Variants in USP2 observed in about 807,000 individuals in gnomAD.
USP2 encodes the protein ubiquitin specific peptidase 2.
Under a neutral mutation model 72.0 loss-of-function variants are expected in USP2, and 33 were observed. The ratio of observed to expected loss-of-function variants is 0.46; its 90% confidence interval spans 0.35 to 0.61. The LOEUF (loss-of-function observed/expected upper bound fraction) is 0.61. Ranked by LOEUF, USP2 falls within the 20% of genes least tolerant of loss-of-function variation. USP2 has a pLI of 0.01. For missense variants in USP2, 691 were observed against 797.8 expected, an observed-to-expected ratio of 0.87 and a Z score of 1.61; for synonymous variants, 296 against 312.5, an observed-to-expected ratio of 0.95 and a Z score of 0.56.
At chr11:119,378,160 G>A (rs982023666) in intron 1 of USP2, among the ~76,000 whole-genome samples, 3 of 152,100 alleles carry the variant, frequency 2.0e-5, no homozygotes, top group African/African-American at 7.2e-5. Flanking sequence ...TGACCTTGAA[G>A]GACAAGGTGG....
In USP2 at chr11:119,373,521, G is replaced by T. The variant is rs766939625; in HGVS notation, c.-41C>A. The T allele has an allele frequency of 6.5e-7, 1 of 1,529,278 alleles. No homozygotes were observed. The highest frequency in any genetic ancestry group is 2.3e-5 in the East Asian group (1 of 44,188). The allele number at this position is 1,529,278 out of a possible 1,614,324, so 94.7% of individuals were successfully genotyped here. Reference sequence around the variant, plus strand: ...TCAGTGGGGACTGGGAGCCTCATGGGCTGAAAGACAAGGAGTGTAGTTGTC... The same window carrying T: ...TCAGTGGGGACTGGGAGCCTCATGGTCTGAAAGACAAGGAGTGTAGTTGTC... On this transcript the variant is annotated splice_region_variant and 5_prime_UTR_variant, in exon 2 of 13. Coordinates refer to ENST00000260187, the MANE Select transcript of USP2 (RefSeq NM_004205.5).
chr11:119,362,543 G>A (rs1214984486), intron 2 of USP2, among the ~76,000 whole-genome samples: 1 of 152,184 alleles, frequency 6.6e-6, no homozygotes, highest in Non-Finnish European at 1.5e-5. Context: ...AGGGGGAGCA[G>A]GGCTGCTCCA....
At chr11:119,358,998 T>C (rs200319788) in intron 6 of USP2, 26 bp downstream of exon 6, 1 of 1,611,942 alleles carries the variant, frequency 6.2e-7, no homozygotes, top group East Asian at 2.2e-5. Context: ...AGTTTTGCTT[T>C]CCCACAGCAT....
In USP2 at chr11:119,369,984, T is replaced by C. The variant is rs1384858460; in HGVS notation, c.774+2723A>G. On this transcript the variant is annotated intron_variant, in intron 2 of 12. Coordinates refer to ENST00000260187, the MANE Select transcript of USP2 (RefSeq NM_004205.5). The stretch of plus-strand genomic sequence containing the variant: ...ACCTGAGGTCAGTTCAAGACCAGCC[T>C]GGCCAACATGGTGAAACCCCGTCTC... Among the ~76,000 whole-genome samples, 5 of 152,180 alleles carry C rather than the reference T, an allele frequency of 3.3e-5. No homozygotes were observed. The South Asian group carries it at 8.3e-4, about 25-fold the overall frequency.
At position 119,369,288 on chromosome 11, in the gene USP2, A is replaced by C. The variant is rs909035778; in HGVS notation, c.774+3419T>G. On this transcript the variant is annotated intron_variant, in intron 2 of 12. Coordinates refer to ENST00000260187, the MANE Select transcript of USP2 (RefSeq NM_004205.5). ...CTGAATTTATGTGGCGCCCCCTGCC[A>C]CCCGCCCCTGCCCCCCGCCAGCTCT... Among the ~76,000 whole-genome samples the C allele has an allele frequency of 1.6e-4, 24 of 146,986 alleles. No homozygotes were observed. In the South Asian group the frequency reaches 3.6e-3, roughly 22 times the overall value.
At position 119,356,868 on chromosome 11, in the gene USP2, G is replaced by T. The variant is rs1397784172; in HGVS notation, c.1785C>A (p.Phe595Leu). 4.5e-6 allele frequency: 7 copies of T among 1,566,214 alleles called. No homozygotes were observed. The highest frequency in any genetic ancestry group is 6.1e-6 in the Non-Finnish European group (7 of 1,155,722). Residue 595 changes from phenylalanine (F) to leucine (L), a missense_variant, in exon 13 of 13, where the codon TTC (phenylalanine) becomes TTA (leucine). Transcript: ENST00000260187. ...GGGAGGGCGGGCTGGCCAGTTCGTA[G>T]AAGAGCAGGTAGGCGTCGCTGGTGC... ...QVRTSDAYLL[F>L]YELASPPSRM
chr11:119,368,308 T>C (rs1450566754), intron 2 of USP2, among the ~76,000 whole-genome samples: 1 of 152,174 alleles, frequency 6.6e-6, no homozygotes, highest in Admixed American at 6.5e-5. Flanking sequence ...CCCCAGGATC[T>C]CAGGCTGCCA....
chr11:119,380,424 T>C (rs986071224), intron 1 of USP2, among the ~76,000 whole-genome samples: 1 of 152,048 alleles, frequency 6.6e-6, no homozygotes, highest in African/African-American at 2.4e-5. Context: ...AGGAGAATGC[T>C]TGGCCCCTCT....
rs1477903725 is a variant in USP2, at chr11:119,356,800, C to T, written c.*35G>A. 6.6e-7 allele frequency: 1 copy of T among 1,525,534 alleles called. No individual in the cohort carries two copies. Among genetic ancestry groups the T allele is most frequent in the Non-Finnish European group, 8.8e-7 (1 of 1,133,790 alleles). The allele number at this position is 1,525,534 out of a possible 1,614,324, so 94.5% of individuals were successfully genotyped here. The stretch of plus-strand genomic sequence containing the variant: ...TTAAAAAATTTAGGGAGCGGGGCCA[C>T]CACGGGGAAGGGAGAAGGGACGTGG... On this transcript the variant is annotated 3_prime_UTR_variant, in exon 13 of 13. Transcript: ENST00000260187.
At chr11:119,381,015 C>A (rs889087172) in intron 1 of USP2, among the ~76,000 whole-genome samples, 1 of 152,188 alleles carries the variant, frequency 6.6e-6, no homozygotes, top group African/African-American at 2.4e-5. Flanking sequence ...GTGAGAATTT[C>A]AAAGCTGCCT....
chr11:119,368,454 C>T (rs1226543200), intron 2 of USP2, among the ~76,000 whole-genome samples: 1 of 152,238 alleles, frequency 6.6e-6, no homozygotes, highest in African/African-American at 2.4e-5. Flanking sequence ...AATTTGTTCT[C>T]TTTGGAGTAA....
Position 119,370,582 on chromosome 11 carries a change from C to T in USP2, c.774+2125G>A, listed in dbSNP as rs138055189. On this transcript the variant is annotated intron_variant, in intron 2 of 12. Transcript: ENST00000260187. ...CAGGGTTGTTCTCACCTCAGCAAGA[C>T]GCACTCTGCTCCAGGAAATGACGAT... Among the ~76,000 whole-genome samples, 1,209 of 142,580 alleles carry T rather than the reference C, an allele frequency of 8.5e-3. 21 individuals are homozygous for T. The highest frequency in any genetic ancestry group is 0.028 in the African/African-American group (1,043 of 37,514). The allele number at this position is 142,580 out of a possible 152,430, so 93.5% of individuals were successfully genotyped here.
intron 2 of USP2, among the ~76,000 whole-genome samples, chr11:119,365,879 C>T (rs1249657729): frequency 6.7e-6 from 1 of 149,968 alleles, no homozygotes; most frequent in African/African-American, 2.5e-5. Context: ...GTAACTATTA[C>T]CTCTATTTTA....
chr11:119,366,511 A>G (rs564563829), intron 2 of USP2, among the ~76,000 whole-genome samples: 1 of 152,286 alleles, frequency 6.6e-6, no homozygotes, highest in East Asian at 1.9e-4. Flanking sequence ...TCTTTGCTTT[A>G]TAAGTGTTTC....
chr11:119,355,495 TATG>T lies in USP2; in HGVS notation c.*1337_*1339del, dbSNP rs1020845108. 1 of 152,154 alleles carries T rather than the reference TATG, an allele frequency of 6.6e-6. No homozygotes were observed. Among genetic ancestry groups the T allele is most frequent in the Non-Finnish European group, 1.5e-5 (1 of 68,064 alleles). The allele number at this position is 152,154 out of a possible 1,614,324, so 9.4% of individuals were successfully genotyped here. On this transcript the variant is annotated 3_prime_UTR_variant, in exon 13 of 13. Coordinates refer to ENST00000260187, the MANE Select transcript of USP2 (RefSeq NM_004205.5). ...AGGACAGCACAGAGTTTTATCCAAC[TATG>T]TAGGGCAAAATTGAGCCCACAGGAA... is the stretch of plus-strand genomic sequence containing the variant.
intron 4 of USP2, 78 bp from the exon 5 acceptor site, chr11:119,359,420 G>T: frequency 1.3e-6 from 2 of 1,585,192 alleles, no homozygotes; most frequent in Non-Finnish European, 1.7e-6. Flanking sequence ...CCAACAAAAA[G>T]CAAGCAGAGA....
intron 1 of USP2, among the ~76,000 whole-genome samples, chr11:119,379,874 T>G (rs1951039786): frequency 6.6e-6 from 1 of 150,390 alleles, no homozygotes; most frequent in African/African-American, 2.4e-5. Flanking sequence ...TGAACCTTCC[T>G]AGGGAGAAAA....
chr11:119,381,648 G>A lies in USP2; in HGVS notation c.-217C>T. ...CCGGGGGCCCAGAAGGGACCTCCCC[G>A]GGAAATCGGCGCCACCCAGCGGGCA... On this transcript the variant is annotated 5_prime_UTR_variant, in exon 1 of 13. Transcript: ENST00000260187. 8.0e-7 allele frequency: 1 copy of A among 1,244,952 alleles called. No homozygotes were observed. The highest frequency in any genetic ancestry group is 1.1e-6 in the Non-Finnish European group (1 of 889,174). 77.1% of individuals were successfully genotyped at this position (1,244,952 alleles called of 1,614,324 possible). A position where few individuals can be genotyped will look rare whatever the true frequency, so the allele number is the denominator to read the frequency against.
chr11:119,375,371 C>A (rs1353679520), intron 1 of USP2, among the ~76,000 whole-genome samples: 1 of 152,208 alleles, frequency 6.6e-6, no homozygotes, highest in Non-Finnish European at 1.5e-5. Context: ...AGTTTTCAGT[C>A]CAGGCTGACA....
Sources: allele counts gnomAD v4.1 joint callset (sites outside exome capture counted in the v4.1 genomes callset), GRCh38; gene constraint gnomAD v4.1.1; transcripts MANE v1.5; gene names NCBI Gene and HGNC (gene_info 2026-07-23, HGNC 2026-07-21).